The following WWOX variants were observed in gnomAD, a reference collection of about 807,000 sequenced individuals.
WWOX encodes the protein WW domain containing oxidoreductase, also known as WW domain-containing oxidoreductase.
WWOX carries 69 observed loss-of-function variants against 46.2 expected under a neutral mutation model. The observed-to-expected ratio is 1.49, with a 90% CI of 1.23 to 1.82. WWOX has a LOEUF of 1.82. WWOX is among the 40% of genes most tolerant of loss of function. The pLI, the probability that WWOX is intolerant of heterozygous loss-of-function variation, is 0.00. For synonymous variants in WWOX, 359 were observed against 202.6 expected (o/e 1.77, Z -6.56); for missense variants, 919 against 542.6 (o/e 1.69, Z -6.89).
intron 8 of WWOX, among the ~76,000 whole-genome samples, chr16:78,545,887 G>C (rs549517922): frequency 3.3e-5 from 5 of 152,148 alleles, no homozygotes; most frequent in Admixed American, 3.3e-4. Flanking sequence ...CTCTTATAAG[G>C]ACACCAGTCC....
chr16:78,962,747 AAGACAG>A (rs1348673389), intron 8 of WWOX, among the ~76,000 whole-genome samples: 1 of 152,192 alleles, frequency 6.6e-6, no homozygotes, highest in Non-Finnish European at 1.5e-5. Context: ...CACTCAGATC[AAGACAG>A]AGAACATTTC....
chr16:78,413,174 T>G (rs567138075), intron 6 of WWOX, among the ~76,000 whole-genome samples: 1 of 152,312 alleles, frequency 6.6e-6, no homozygotes, highest in South Asian at 2.1e-4. Flanking sequence ...ACCAGAGTTG[T>G]ACTACTCAAA....
intron 8 of WWOX, among the ~76,000 whole-genome samples, chr16:78,937,681 G>C (rs747081405): frequency 4.0e-5 from 6 of 151,560 alleles, no homozygotes; most frequent in African/African-American, 1.5e-4. Flanking sequence ...CTGGAGTGTA[G>C]TGGCATGACC....
intron 8 of WWOX, among the ~76,000 whole-genome samples, chr16:79,056,153 G>A (rs1443098183): frequency 6.7e-6 from 1 of 149,742 alleles, no homozygotes; most frequent in Non-Finnish European, 1.5e-5. Context: ...GCACCTCCCT[G>A]TCTTTTTACT....
At chr16:78,682,197 C>T (rs377521192) in intron 8 of WWOX, among the ~76,000 whole-genome samples, 4 of 152,100 alleles carry the variant, frequency 2.6e-5, no homozygotes, top group East Asian at 1.9e-4. Flanking sequence ...CTGCTACAAT[C>T]GCTTGATATT....
chr16:78,832,667 C>T (rs1439585730), intron 8 of WWOX, among the ~76,000 whole-genome samples: 1 of 152,112 alleles, frequency 6.6e-6, no homozygotes, highest in African/African-American at 2.4e-5. Flanking sequence ...AGTGTGAATC[C>T]ATGTCCTGTG....
chr16:78,326,758 A>G (rs995895063), intron 5 of WWOX, among the ~76,000 whole-genome samples: 4 of 152,022 alleles, frequency 2.6e-5, no homozygotes, highest in African/African-American at 4.8e-5. Flanking sequence ...TTTCATTTAG[A>G]CATTTAAGTG....
At chr16:78,542,012 G>A (rs989213898) in intron 8 of WWOX, among the ~76,000 whole-genome samples, 4 of 44,674 alleles carry the variant, frequency 9.0e-5, no homozygotes, top group Non-Finnish European at 1.9e-4. Context: ...TTTCAACAGA[G>A]TATACCAAAA....
intron 6 of WWOX, among the ~76,000 whole-genome samples, chr16:78,421,712 A>T (rs918513605): frequency 1.3e-5 from 2 of 152,178 alleles, no homozygotes; most frequent in East Asian, 3.9e-4. Context: ...AGCATTTTAT[A>T]TAGAATGGAA....
chr16:78,683,860 C>G lies in WWOX; in HGVS notation c.1056+251108C>G, dbSNP rs142446006. On this transcript the variant is annotated intron_variant, in intron 8 of 8. Coordinates refer to ENST00000566780, the MANE Select transcript of WWOX (RefSeq NM_016373.4). ...GTGTTTAATTCGGCGTCTTTGGTCACAAGGAACAGAGTTTTACTTGTGCCA... is the reference window on the plus strand; with the variant it reads ...GTGTTTAATTCGGCGTCTTTGGTCAGAAGGAACAGAGTTTTACTTGTGCCA... Among the ~76,000 whole-genome samples, 91 of 152,250 alleles carry G rather than the reference C, an allele frequency of 6.0e-4. 2 individuals are homozygous for G. The highest frequency in any genetic ancestry group is 2.1e-3 in the African/African-American group (89 of 41,550).
chr16:78,428,614 G>T lies in WWOX; in HGVS notation c.791+3559G>T, dbSNP rs184618138. ...TCTAGATTAGGGATCAAGAAGAAAT[G>T]ACTTTCTCCTCTTAGACATTTAATT... On this transcript the variant is annotated intron_variant, in intron 7 of 8. Coordinates refer to ENST00000566780, the MANE Select transcript of WWOX (RefSeq NM_016373.4). Among the ~76,000 whole-genome samples the T allele has an allele frequency of 8.0e-4, 122 of 152,320 alleles. 1 individual carries two copies. The highest frequency in any genetic ancestry group is 2.8e-3 in the African/African-American group (117 of 41,576).
At position 79,164,176 on chromosome 16, in the gene WWOX, A is replaced by G. The variant is rs552020326; in HGVS notation, c.1057-47432A>G. On this transcript the variant is annotated intron_variant, in intron 8 of 8. Transcript: ENST00000566780. ...TTATTTTATAGAAAAATATAAATCA[A>G]TACTTTCATGTCTGTTTGACGTGTT... Among the ~76,000 whole-genome samples the G allele has an allele frequency of 1.5e-4, 23 of 152,318 alleles. No individual in the cohort carries two copies. In the South Asian group the frequency reaches 2.3e-3, roughly 15 times the overall value.
At chr16:79,094,910 G>A (rs1005047592) in intron 8 of WWOX, among the ~76,000 whole-genome samples, 3 of 152,108 alleles carry the variant, frequency 2.0e-5, no homozygotes, top group South Asian at 2.1e-4. Flanking sequence ...AGCGTCGTGG[G>A]CGATTTTTTT....
In WWOX at chr16:78,368,471, C is replaced by T. The variant is rs117974487; in HGVS notation, c.517-18389C>T. On this transcript the variant is annotated intron_variant, in intron 5 of 8. Transcript: ENST00000566780. ...TACCAAATGTAGTAAGGCCTCTTTT[C>T]AATGTGGTAAAAGCTCTGGGCCACC... 9.6e-3 allele frequency among the ~76,000 whole-genome samples: 1,467 copies of T among 152,248 alleles called. 10 individuals carry two copies. The highest frequency in any genetic ancestry group is 0.034 in the Middle Eastern group (10 of 294).
At chr16:78,256,729 G>A (rs2038141724) in intron 5 of WWOX, among the ~76,000 whole-genome samples, 1 of 152,148 alleles carries the variant, frequency 6.6e-6, no homozygotes, top group South Asian at 2.1e-4. Flanking sequence ...TTGATGTACA[G>A]AAACATGAAC....
rs896681901 is a variant in WWOX at position 78,464,373 on chromosome 16, C to T, written c.1056+31621C>T. On this transcript the variant is annotated intron_variant, in intron 8 of 8. Transcript: ENST00000566780. The stretch of plus-strand genomic sequence containing the variant: ...AAGGAGGAAGAGAGGGAAGGAGGCA[C>T]AGAGGTAGAGAGGCAGGGAGATAAT... Among the ~76,000 whole-genome samples, 5 of 151,996 alleles carry T rather than the reference C, an allele frequency of 3.3e-5. No homozygotes were observed. The East Asian group carries it at 9.7e-4, about 30-fold the overall frequency.
chr16:78,876,404 G>A (rs1468548353), intron 8 of WWOX, among the ~76,000 whole-genome samples: 8 of 150,250 alleles, frequency 5.3e-5, no homozygotes, highest in Non-Finnish European at 1.0e-4. Context: ...CCAAGACTCT[G>A]TTATGACAGA....
chr16:78,774,858 C>T (rs1410540142), intron 8 of WWOX, among the ~76,000 whole-genome samples: 1 of 152,306 alleles, frequency 6.6e-6, no homozygotes, highest in South Asian at 2.1e-4. Flanking sequence ...AGTCCATCCC[C>T]TTATTGAGCA....
Position 79,053,617 on chromosome 16 carries a change from A to G in WWOX, c.1057-157991A>G, listed in dbSNP as rs188427956. On this transcript the variant is annotated intron_variant, in intron 8 of 8. Transcript: ENST00000566780. ...TGAATATTAATCTAATTATATTCCG[A>G]TCACTTTAATTTCTTTAATGTTTTA... Among the ~76,000 whole-genome samples the G allele has an allele frequency of 4.5e-4, 68 of 152,348 alleles. 1 individual carries two copies. Among genetic ancestry groups the G allele is most frequent in the Middle Eastern group, 6.8e-3 (2 of 294 alleles).
Sources: allele counts gnomAD v4.1 joint callset (sites outside exome capture counted in the v4.1 genomes callset), GRCh38; gene constraint gnomAD v4.1.1; transcripts MANE v1.5; gene names NCBI Gene and HGNC (gene_info 2026-07-23, HGNC 2026-07-21).